Variants in ERBB4 observed in about 807,000 individuals in gnomAD.
ERBB4 encodes the protein erb-b2 receptor tyrosine kinase 4, also known as receptor tyrosine-protein kinase erbB-4.
Under a neutral mutation model 158.0 loss-of-function variants are expected in ERBB4, and 42 were observed. The observed-to-expected ratio is 0.27, with a 90% confidence interval of 0.21 to 0.34. The LOEUF is 0.34. Ranked by LOEUF, ERBB4 falls within the 10% of genes least tolerant of loss-of-function variation. ERBB4 has a pLI of 1.00. For missense variants in ERBB4, 1,333 were observed against 1,624.1 expected (o/e 0.82, Z 3.08); for synonymous variants, 583 against 558.7 (o/e 1.04, Z -0.61).
In ERBB4 at chr2:212,468,593, T is replaced by C. The variant is rs114665758; in HGVS notation, c.82+69856A>G. Among the ~76,000 whole-genome samples, 1,320 of 152,304 alleles carry C rather than the reference T, an allele frequency of 8.7e-3. 16 individuals are homozygous for C. The highest frequency in any genetic ancestry group is 0.03 in the African/African-American group (1,248 of 41,564). On this transcript the variant is annotated intron_variant, in intron 1 of 27. Transcript: ENST00000342788. ...CTGTAAGTCCAATAAACTTCTTTAT[T>C]TTGTAAATTGTCCCGTCTCAGGTAT... is the stretch of plus-strand genomic sequence containing the variant.
At chr2:211,716,033 G>C (rs2073884264) in intron 7 of ERBB4, among the ~76,000 whole-genome samples, 4 of 152,180 alleles carry the variant, frequency 2.6e-5, no homozygotes, top group Non-Finnish European at 5.9e-5. Flanking sequence ...TTAAATTTCA[G>C]AATTCTGGAT....
At position 211,838,103 on chromosome 2, in the gene ERBB4, C is replaced by T. The variant is rs13415856; in HGVS notation, c.422-49944G>A. On this transcript the variant is annotated intron_variant, in intron 3 of 27. Coordinates refer to ENST00000342788, the MANE Select transcript of ERBB4 (RefSeq NM_005235.3). The stretch of plus-strand genomic sequence containing the variant: ...GTGAAAAAGTAGGAGTACCAGAGTG[C>T]GGAGAATCAACAGCAGAGCTGGTGT... 2.3e-3 allele frequency among the ~76,000 whole-genome samples: 356 copies of T among 152,084 alleles called. 2 individuals are homozygous for T. The highest frequency in any genetic ancestry group is 8.1e-3 in the African/African-American group (336 of 41,506).
chr2:211,425,117 G>GATA lies in ERBB4; in HGVS notation c.2720-819_2720-817dup, dbSNP rs548578713. Reference sequence around the variant, plus strand: ...GTAATGTAATGATTATATAATTTAAGATAATATTTTCTTAGGGATAAAGAT... The same window carrying GATA: ...GTAATGTAATGATTATATAATTTAAGATAATAATATTTTCTTAGGGATAAAGAT... On this transcript the variant is annotated intron_variant, in intron 22 of 27. Transcript: ENST00000342788. Among the ~76,000 whole-genome samples, 424 of 152,110 alleles carry GATA rather than the reference G, an allele frequency of 2.8e-3. 8 individuals are homozygous for GATA. The highest frequency in any genetic ancestry group is 1.6e-3 in the Non-Finnish European group (109 of 67,984).
At chr2:211,916,272 C>T (rs1001600754) in intron 3 of ERBB4, among the ~76,000 whole-genome samples, 5 of 152,038 alleles carry the variant, frequency 3.3e-5, no homozygotes, top group Admixed American at 6.6e-5. Context: ...CTCTGTCTCC[C>T]GGGTTCAAGT....
rs1328292743 is a variant in ERBB4, at chr2:211,860,956, A to C, written c.422-72797T>G. On this transcript the variant is annotated intron_variant, in intron 3 of 27. Coordinates refer to ENST00000342788, the MANE Select transcript of ERBB4 (RefSeq NM_005235.3). Reference sequence around the variant, plus strand: ...TACATTATATATATTTTATATATATATAAATATATAAATATATTTAAATAT... The same window carrying C: ...TACATTATATATATTTTATATATATCTAAATATATAAATATATTTAAATAT... 3.0e-3 allele frequency among the ~76,000 whole-genome samples: 310 copies of C among 103,754 alleles called. 31 individuals are homozygous for C. Among genetic ancestry groups the C allele is most frequent in the African/African-American group, 0.011 (295 of 27,306 alleles). 68.1% of individuals were successfully genotyped at this position (103,754 alleles called of 152,430 possible).
At chr2:211,462,698 A>G (rs1038274366) in intron 20 of ERBB4, among the ~76,000 whole-genome samples, 3 of 152,202 alleles carry the variant, frequency 2.0e-5, no homozygotes, top group Non-Finnish European at 4.4e-5. Flanking sequence ...TACCATTCCC[A>G]AATGCTAATT....
intron 3 of ERBB4, among the ~76,000 whole-genome samples, chr2:211,878,722 A>G (rs2078582880): frequency 7.0e-6 from 1 of 143,206 alleles, no homozygotes; most frequent in Non-Finnish European, 1.5e-5. Flanking sequence ...CAGTGGCGCA[A>G]TCTCAGCTCA....
chr2:212,504,593 G>A (rs193194457), intron 1 of ERBB4, among the ~76,000 whole-genome samples: 2 of 152,232 alleles, frequency 1.3e-5, no homozygotes, highest in East Asian at 1.9e-4. Context: ...AATTAACAAT[G>A]TCAACGTATA....
intron 19 of ERBB4, among the ~76,000 whole-genome samples, chr2:211,584,943 GA>G (rs112633476): frequency 1.1e-4 from 16 of 149,536 alleles, no homozygotes; most frequent in East Asian, 7.8e-4. Context: ...TTTTCTCTAT[GA>G]AAAAAAAATT....
chr2:211,748,030 T>C (rs2075025496), intron 5 of ERBB4, among the ~76,000 whole-genome samples: 1 of 151,700 alleles, frequency 6.6e-6, no homozygotes, highest in Admixed American at 6.6e-5. Flanking sequence ...GCTACGTAAA[T>C]AGATGTTATA....
chr2:212,374,139 A>T (rs1246260762), intron 1 of ERBB4, among the ~76,000 whole-genome samples: 5 of 148,400 alleles, frequency 3.4e-5, no homozygotes, highest in Admixed American at 6.8e-5. Context: ...TTTGACATAA[A>T]ACATGTAATT....
chr2:211,500,052 C>T (rs2065578335), intron 20 of ERBB4, among the ~76,000 whole-genome samples: 1 of 152,040 alleles, frequency 6.6e-6, no homozygotes, highest in Non-Finnish European at 1.5e-5. Flanking sequence ...CTGAAACAAC[C>T]AAACATATGA....
intron 1 of ERBB4, among the ~76,000 whole-genome samples, chr2:212,408,872 G>C (rs1328556435): frequency 6.6e-6 from 1 of 152,088 alleles, no homozygotes; most frequent in Admixed American, 6.6e-5. Context: ...ACATTTAAAA[G>C]CAATCCTGAC....
At chr2:211,691,819 C>T (rs1574994684) in intron 12 of ERBB4, among the ~76,000 whole-genome samples, 1 of 152,050 alleles carries the variant, frequency 6.6e-6, no homozygotes, top group Non-Finnish European at 1.5e-5. Context: ...TCTCAGAAAA[C>T]TGACATGGGC....
At chr2:211,768,979 A>G (rs2075625398) in intron 4 of ERBB4, among the ~76,000 whole-genome samples, 1 of 152,180 alleles carries the variant, frequency 6.6e-6, no homozygotes, top group South Asian at 2.1e-4. Flanking sequence ...CTTCCTTTTT[A>G]AACATAAGTT....
intron 20 of ERBB4, among the ~76,000 whole-genome samples, chr2:211,451,139 G>A (rs2064235704): frequency 6.6e-6 from 1 of 152,154 alleles, no homozygotes; most frequent in Non-Finnish European, 1.5e-5. Flanking sequence ...AAAGTTAGGG[G>A]CATGGAAGAA....
chr2:211,499,198 T>C (rs1227591098), intron 20 of ERBB4, among the ~76,000 whole-genome samples: 1 of 152,044 alleles, frequency 6.6e-6, no homozygotes, highest in Non-Finnish European at 1.5e-5. Flanking sequence ...AACTCCCTTT[T>C]TATAGATGTG....
chr2:212,333,678 A>C (rs1289778004), intron 1 of ERBB4, among the ~76,000 whole-genome samples: 1 of 135,912 alleles, frequency 7.4e-6, no homozygotes, highest in Admixed American at 7.6e-5. Flanking sequence ...TGGGTGATGG[A>C]GTGAGATTCT....
At chr2:211,510,054 A>G (rs2065850043) in intron 20 of ERBB4, among the ~76,000 whole-genome samples, 1 of 152,150 alleles carries the variant, frequency 6.6e-6, no homozygotes, top group Admixed American at 6.5e-5. Flanking sequence ...AATAACTAAA[A>G]ATAGAACTAC....
Sources: allele counts gnomAD v4.1 joint callset (sites outside exome capture counted in the v4.1 genomes callset), GRCh38; gene constraint gnomAD v4.1.1; transcripts MANE v1.5; gene names NCBI Gene and HGNC (gene_info 2026-07-23, HGNC 2026-07-21).